Variants in KCNV1 observed in about 807,000 individuals in gnomAD.
The protein encoded by KCNV1 is potassium voltage-gated channel modifier subfamily V member 1, also known as potassium voltage-gated channel subfamily V member 1.
In KCNV1, 2 loss-of-function variants were observed where a neutral mutation model predicts 36.4. The observed-to-expected ratio is 0.05, with a 90% CI of 0.02 to 0.17. The LOEUF is 0.17. Among genes scored for constraint, KCNV1 ranks in the 10% least tolerant of loss-of-function variants. The pLI is 1.00. For synonymous variants in KCNV1, 280 were observed against 261.1 expected (o/e 1.07, Z -0.70); for missense variants, 321 against 643.6 (o/e 0.50, Z 5.42).
chr8:109,974,496 C>T lies in KCNV1; in HGVS notation c.-108G>A. 1 of 786,010 alleles carries T rather than the reference C, an allele frequency of 1.3e-6. No homozygotes were observed. Among genetic ancestry groups the T allele is most frequent in the Admixed American group, 3.0e-5 (1 of 33,816 alleles). The allele number at this position is 786,010 out of a possible 1,614,324, so 48.7% of individuals were successfully genotyped here. A position where few individuals can be genotyped will look rare whatever the true frequency, so the allele number is the denominator to read the frequency against. ...GGCCCCTGGTGGCGGCCGGGATTCC[C>T]CGGGCTCCCGAAGGGGTTACCTCTC... On this transcript the variant is annotated 5_prime_UTR_variant, in exon 2 of 4. Transcript: ENST00000524391. This position sits in a 1 kb window ranked among gnomAD's most constrained non-coding sequence, Gnocchi z 6.2.
chr8:109,968,151 C>T lies in KCNV1; in HGVS notation c.1440G>A (p.Leu480=). The T allele has an allele frequency of 1.9e-6, 3 of 1,614,166 alleles. No homozygotes were observed. The highest frequency in any genetic ancestry group is 2.5e-6 in the Non-Finnish European group (3 of 1,180,020). ...DVYARSIMEM[L]RLKGRERAST... Reference sequence around the variant, plus strand: ...TTGCTCTTTCTCTGCCTTTCAGTCGCAGCATCTCCATGATACTCCGGGCAT... The same window carrying T: ...TTGCTCTTTCTCTGCCTTTCAGTCGTAGCATCTCCATGATACTCCGGGCAT... The change falls in exon 4 of 4, where the codon CTG becomes CTA. Residue 480 remains leucine, a synonymous_variant. Transcript: ENST00000524391. The surrounding 1 kb of genome is among the most constrained non-coding windows in gnomAD (Gnocchi z 5.3).
At chr8:109,973,181 A>C (rs1027097159) in intron 2 of KCNV1, among the ~76,000 whole-genome samples, 1 of 152,028 alleles carries the variant, frequency 6.6e-6, no homozygotes, top group African/African-American at 2.4e-5. Flanking sequence ...GGGTTTCACC[A>C]TGTTGTCCAG....
rs190138531 is a variant in KCNV1, at chr8:109,965,483, A to G, written c.*2605T>C. 92 of 152,274 alleles carry G rather than the reference A, an allele frequency of 6.0e-4. 1 individual carries two copies. Among genetic ancestry groups the G allele is most frequent in the Non-Finnish European group, 1.1e-3 (72 of 68,016 alleles). 9.4% of individuals were successfully genotyped at this position (152,274 alleles called of 1,614,324 possible). ...ATTTTATTTAACAGCAAAATTGAGT[A>G]AGCAATGATATTTTAAAACTTCTTT... is the stretch of plus-strand genomic sequence containing the variant. On this transcript the variant is annotated 3_prime_UTR_variant, in exon 4 of 4. Transcript: ENST00000524391.
rs1819918436 is a variant in KCNV1, at chr8:109,964,125, A to G, written c.*3963T>C. 1 of 152,146 alleles carries G rather than the reference A, an allele frequency of 6.6e-6. No individual in the cohort carries two copies. The highest frequency in any genetic ancestry group is 2.4e-5 in the African/African-American group (1 of 41,426). 9.4% of individuals were successfully genotyped at this position (152,146 alleles called of 1,614,324 possible). A position where few individuals can be genotyped will look rare whatever the true frequency, so the allele number is the denominator to read the frequency against. On this transcript the variant is annotated 3_prime_UTR_variant, in exon 4 of 4. Transcript: ENST00000524391. ...ATCTACAAAAGTCTAATATTCCAGC[A>G]TCTATAAGAAACTTAAACAAATTTA...
At position 109,968,951 on chromosome 8, in the gene KCNV1, A is replaced by G. The variant is rs562126186; in HGVS notation, c.992-352T>C. Among the ~76,000 whole-genome samples, 1 of 152,320 alleles carries G rather than the reference A, an allele frequency of 6.6e-6. No individual in the cohort carries two copies. Among genetic ancestry groups the G allele is most frequent in the South Asian group, 2.1e-4 (1 of 4,830 alleles). On this transcript the variant is annotated intron_variant, in intron 3 of 3. Coordinates refer to ENST00000524391, the MANE Select transcript of KCNV1 (RefSeq NM_014379.4). The surrounding 1 kb of genome is among the most constrained non-coding windows in gnomAD (Gnocchi z 5.3). ...GGAGTTTTGTACTTTAGTCTGTACAATAAGAGGCCTTTGCGGTGTTGCATG... is the reference window on the plus strand; with the variant it reads ...GGAGTTTTGTACTTTAGTCTGTACAGTAAGAGGCCTTTGCGGTGTTGCATG...
In KCNV1 at chr8:109,975,646, G is replaced by C. The variant is rs3758047; in HGVS notation, c.-832C>G. The C allele has an allele frequency of 6.5e-6, 1 of 152,908 alleles. No individual in the cohort carries two copies. Among genetic ancestry groups the C allele is most frequent in the Non-Finnish European group, 1.5e-5 (1 of 68,234 alleles). The allele number at this position is 152,908 out of a possible 1,614,324, so 9.5% of individuals were successfully genotyped here. On this transcript the variant is annotated 5_prime_UTR_variant, in exon 1 of 4. Coordinates refer to ENST00000524391, the MANE Select transcript of KCNV1 (RefSeq NM_014379.4). ...GCAGCTCCCGGCACATCTGGTCTGC[G>C]CACAACCGGCGCCGCAGGTAACGTA...
In KCNV1 at chr8:109,968,054, G is replaced by T. The variant is rs1819964822; in HGVS notation, c.*34C>A. The T allele has an allele frequency of 6.3e-7, 1 of 1,580,152 alleles. No individual in the cohort carries two copies. The highest frequency in any genetic ancestry group is 1.8e-5 in the Admixed American group (1 of 56,982). ...CACTGCTTTATCATTTTAGTTAATT[G>T]TACATAGCTTTTGTAAATAAATTGA... On this transcript the variant is annotated 3_prime_UTR_variant, in exon 4 of 4. Transcript: ENST00000524391. This position sits in a 1 kb window ranked among gnomAD's most constrained non-coding sequence, Gnocchi z 5.3.
intron 3 of KCNV1, among the ~76,000 whole-genome samples, chr8:109,971,843 C>G (rs755136): frequency 0.093 from 14,166 of 152,116 alleles, 827 homozygotes; most frequent in African/African-American, 0.17. Flanking sequence ...GCAAGCACTT[C>G]TCGGATACTG....
Position 109,974,976 on chromosome 8 carries a change from A to G in KCNV1, c.-588T>C, listed in dbSNP as rs373674284. ...AAGTTCAGAAAGCAAAGGAAGTGGT[A>G]ACCGGGTCCCTTCCAACTTGAGAAT... On this transcript the variant is annotated 5_prime_UTR_variant, in exon 2 of 4. Transcript: ENST00000524391. This position sits in a 1 kb window ranked among gnomAD's most constrained non-coding sequence, Gnocchi z 6.2. 1.3e-5 allele frequency: 2 copies of G among 153,252 alleles called. No homozygotes were observed. The highest frequency in any genetic ancestry group is 4.8e-5 in the African/African-American group (2 of 41,576). The allele number at this position is 153,252 out of a possible 1,614,324, so 9.5% of individuals were successfully genotyped here. A position where few individuals can be genotyped will look rare whatever the true frequency, so the allele number is the denominator to read the frequency against.
rs542061695 is a variant in KCNV1, at chr8:109,971,293, C to T, written c.991+965G>A. The stretch of plus-strand genomic sequence containing the variant: ...TTTATAAAATGTGTGCTCCTAGACC[C>T]GATCTCAAGCTTTCTGGGGGTTGGA... On this transcript the variant is annotated intron_variant, in intron 3 of 3. Transcript: ENST00000524391. Among the ~76,000 whole-genome samples, 17 of 152,220 alleles carry T rather than the reference C, an allele frequency of 1.1e-4. No homozygotes were observed. The South Asian group carries it at 2.9e-3, about 26-fold the overall frequency.
In KCNV1 at chr8:109,963,841, T is replaced by C. The variant is rs1279134336; in HGVS notation, c.*4247A>G. 2.6e-5 allele frequency: 4 copies of C among 152,354 alleles called. No homozygotes were observed. The East Asian group carries it at 7.7e-4, about 29-fold the overall frequency. The allele number at this position is 152,354 out of a possible 1,614,324, so 9.4% of individuals were successfully genotyped here. ...AAAATAAAATATGAATATGTCACTC[T>C]TAATAGAGATACCTCAGTAATTTCT... On this transcript the variant is annotated 3_prime_UTR_variant, in exon 4 of 4. Transcript: ENST00000524391.
chr8:109,970,693 ATAAT>A (rs1202334511), intron 3 of KCNV1, among the ~76,000 whole-genome samples: 1 of 152,218 alleles, frequency 6.6e-6, no homozygotes, highest in Admixed American at 6.5e-5. Context: ...ATATTTTTTA[ATAAT>A]TAAGGGTTTA....
chr8:109,967,928 G>T lies in KCNV1; in HGVS notation c.*160C>A. The stretch of plus-strand genomic sequence containing the variant: ...AGAACACTGTGCAGTTGTTATAGGT[G>T]ATGTGAAATATTCTAGTAGATGAAG... On this transcript the variant is annotated 3_prime_UTR_variant, in exon 4 of 4. Transcript: ENST00000524391. 1 of 683,882 alleles carries T rather than the reference G, an allele frequency of 1.5e-6. No homozygotes were observed. The highest frequency in any genetic ancestry group is 2.4e-6 in the Non-Finnish European group (1 of 416,028). The allele number at this position is 683,882 out of a possible 1,614,324, so 42.4% of individuals were successfully genotyped here. A position where few individuals can be genotyped will look rare whatever the true frequency, so the allele number is the denominator to read the frequency against.
intron 2 of KCNV1, among the ~76,000 whole-genome samples, chr8:109,973,344 G>C (rs114273987): frequency 0.015 from 2,285 of 152,220 alleles, 50 homozygotes; most frequent in African/African-American, 0.052. Flanking sequence ...AAGCTACTTT[G>C]GATTAATACA....
chr8:109,972,404 G>T lies in KCNV1; in HGVS notation c.845C>A (p.Ala282Asp). 1 of 1,614,114 alleles carries T rather than the reference G, an allele frequency of 6.2e-7. No individual in the cohort carries two copies. Among genetic ancestry groups the T allele is most frequent in the Non-Finnish European group, 8.5e-7 (1 of 1,180,020 alleles). Residue 282 changes from alanine to aspartate, a missense_variant, in exon 3 of 4, where the codon GCC becomes GAC. Ala to Asp is a moderately radical substitution (Grantham distance 126). This residue lies in a region of KCNV1 where 141 missense variants were observed against 225.0 expected (regional missense o/e 0.63). Transcript: ENST00000524391. This position sits in a 1 kb window ranked among gnomAD's most constrained non-coding sequence, Gnocchi z 5.2. ...AAGAGTGATGTAGAAGGGCAAGATGGCAAGGAGGTCTATGATGTTTGGCAC... is the reference window on the plus strand; with the variant it reads ...AAGAGTGATGTAGAAGGGCAAGATGTCAAGGAGGTCTATGATGTTTGGCAC... ...RKVPNIIDLLAILPFYITLLV... is the reference protein window; with the variant it reads ...RKVPNIIDLLDILPFYITLLV...
intron 2 of KCNV1, among the ~76,000 whole-genome samples, chr8:109,973,243 A>G (rs1820034683): frequency 1.3e-5 from 2 of 152,288 alleles, no homozygotes; most frequent in East Asian, 1.9e-4. Flanking sequence ...CGGCCTCCCA[A>G]AGTGCTGGGA....
At chr8:109,973,682 C>T (rs1253626410) in intron 2 of KCNV1, among the ~76,000 whole-genome samples, 2 of 152,110 alleles carry the variant, frequency 1.3e-5, no homozygotes, top group Non-Finnish European at 2.9e-5. Flanking sequence ...AGTCCCTTGC[C>T]TTATACGTTA....
In KCNV1 at chr8:109,967,100, G is replaced by A. The variant is rs1278498727; in HGVS notation, c.*988C>T. The A allele has an allele frequency of 6.6e-6, 1 of 152,136 alleles. No homozygotes were observed. The highest frequency in any genetic ancestry group is 6.6e-5 in the Admixed American group (1 of 15,264). The allele number at this position is 152,136 out of a possible 1,614,324, so 9.4% of individuals were successfully genotyped here. ...AAATGCCTGCAAAGTTTGAACATTTGCTATTTACCCCAACAATCAGAAAGC... is the reference window on the plus strand; with the variant it reads ...AAATGCCTGCAAAGTTTGAACATTTACTATTTACCCCAACAATCAGAAAGC... On this transcript the variant is annotated 3_prime_UTR_variant, in exon 4 of 4. Coordinates refer to ENST00000524391, the MANE Select transcript of KCNV1 (RefSeq NM_014379.4).
chr8:109,971,265 T>C (rs1020033933), intron 3 of KCNV1, among the ~76,000 whole-genome samples: 1 of 152,224 alleles, frequency 6.6e-6, no homozygotes, highest in African/African-American at 2.4e-5. Context: ...GGTGAACTTA[T>C]TATTTATAAA....
Sources: allele counts gnomAD v4.1 joint callset (sites outside exome capture counted in the v4.1 genomes callset), GRCh38; gene constraint gnomAD v4.1.1; regional missense constraint gnomAD v4.1.1; non-coding constraint Gnocchi (gnomAD v3.1); transcripts MANE v1.5; gene names NCBI Gene and HGNC (gene_info 2026-07-23, HGNC 2026-07-21).